FAM13A: variants seen among roughly 807,000 people sequenced by gnomAD.
FAM13A encodes the protein family with sequence similarity 13 member A, also known as protein FAM13A.
In FAM13A, 76 loss-of-function variants were observed where a neutral mutation model predicts 129.6. The observed-to-expected ratio is 0.59, with a 90% CI of 0.49 to 0.71. FAM13A has a LOEUF of 0.71. FAM13A is among the 30% of genes least tolerant of loss of function. The pLI is 0.00. For missense variants in FAM13A, 1,108 were observed against 1,249.3 expected, an observed-to-expected ratio of 0.89 and a Z score of 1.70; for synonymous variants, 443 against 449.9, an observed-to-expected ratio of 0.98 and a Z score of 0.20.
At chr4:88,997,513 A>G (rs1560720683) in intron 3 of FAM13A, among the ~76,000 whole-genome samples, 1 of 152,078 alleles carries the variant, frequency 6.6e-6, no homozygotes, top group Non-Finnish European at 1.5e-5. Flanking sequence ...GTTCCAGGTT[A>G]AGCAGCAAGC....
intron 3 of FAM13A, among the ~76,000 whole-genome samples, chr4:88,998,280 T>C (rs963454769): frequency 6.6e-6 from 1 of 152,210 alleles, no homozygotes; most frequent in East Asian, 1.9e-4. Context: ...AGGAATCTAG[T>C]AGTTCCCCAT....
intron 7 of FAM13A, among the ~76,000 whole-genome samples, chr4:88,840,772 A>G (rs1178677870): frequency 6.6e-6 from 1 of 152,142 alleles, no homozygotes; most frequent in Non-Finnish European, 1.5e-5. Flanking sequence ...ATTGAAAGTT[A>G]ATGTTCTCAG....
chr4:88,999,570 G>A (rs922825278), intron 3 of FAM13A, among the ~76,000 whole-genome samples: 1 of 152,198 alleles, frequency 6.6e-6, no homozygotes, highest in Non-Finnish European at 1.5e-5. Flanking sequence ...AGTTTCAGAT[G>A]AAATCATACT....
At chr4:88,736,870 GAGC>G (rs1293740984) in intron 21 of FAM13A, among the ~76,000 whole-genome samples, 1 of 152,176 alleles carries the variant, frequency 6.6e-6, no homozygotes, top group Non-Finnish European at 1.5e-5. Flanking sequence ...CGTAGATTAA[GAGC>G]AGATTTTAAA....
At chr4:88,750,710 T>C in intron 14 of FAM13A, 73 bp from the exon 15 acceptor site, 2 of 1,064,652 alleles carry the variant, frequency 1.9e-6, no homozygotes, top group Non-Finnish European at 2.8e-6. Flanking sequence ...ACACAAGTGT[T>C]TCCCAGGCTT....
chr4:88,817,805 A>G (rs1731070496), intron 7 of FAM13A, among the ~76,000 whole-genome samples: 1 of 152,194 alleles, frequency 6.6e-6, no homozygotes, highest in Non-Finnish European at 1.5e-5. Context: ...GATGCGATGA[A>G]ATGCACTGCA....
intron 1 of FAM13A, among the ~76,000 whole-genome samples, chr4:89,030,681 G>C (rs938626402): frequency 6.6e-6 from 1 of 152,082 alleles, no homozygotes; most frequent in African/African-American, 2.4e-5. Context: ...TAAGTTATTG[G>C]TAAAAGTCAG....
intron 4 of FAM13A, among the ~76,000 whole-genome samples, chr4:88,974,625 C>T (rs780050450): frequency 1.8e-4 from 27 of 152,022 alleles, no homozygotes; most frequent in South Asian, 4.1e-4. Flanking sequence ...TACAGGCACC[C>T]GCCACCATGA....
chr4:88,935,668 G>C (rs1182863091), intron 5 of FAM13A, among the ~76,000 whole-genome samples: 1 of 151,852 alleles, frequency 6.6e-6, no homozygotes, highest in Non-Finnish European at 1.5e-5. Context: ...CTACCTTTTA[G>C]TTTCTATCTA....
intron 1 of FAM13A, among the ~76,000 whole-genome samples, chr4:89,048,208 T>C (rs1337168138): frequency 1.3e-5 from 2 of 152,212 alleles, no homozygotes; most frequent in Non-Finnish European, 2.9e-5. Context: ...AGCAGCATTA[T>C]TGATAATAAT....
At chr4:88,874,635 A>C (rs1420967079) in intron 6 of FAM13A, among the ~76,000 whole-genome samples, 1 of 152,234 alleles carries the variant, frequency 6.6e-6, no homozygotes, top group Non-Finnish European at 1.5e-5. Flanking sequence ...TGAATGAAAT[A>C]AAAGAAGACA....
chr4:88,895,153 C>T (rs1746067940), intron 6 of FAM13A, among the ~76,000 whole-genome samples: 1 of 152,040 alleles, frequency 6.6e-6, no homozygotes, highest in Admixed American at 6.6e-5. Context: ...TAGTTATCAT[C>T]ATCACCACTA....
In FAM13A at chr4:89,029,466, G is replaced by T; in HGVS notation, c.211C>A (p.Gln71Lys). 6.3e-7 allele frequency: 1 copy of T among 1,596,802 alleles called. No homozygotes were observed. The change falls in exon 2 of 24, where the codon CAG becomes AAG. Residue 71 changes from glutamine to lysine, a missense_variant. Coordinates refer to ENST00000264344, the MANE Select transcript of FAM13A (RefSeq NM_014883.4). ...AAAGCATGACTTAACTCACCATGCT[G>T]CGTCAAATATTCCACTATATTCCAC... ...VVWNIVEYLT[Q>K]HGLTQEGLFR...
At position 89,020,489 on chromosome 4, in the gene FAM13A, A is replaced by G. The variant is rs1041313164; in HGVS notation, c.398T>C (p.Leu133Ser). Residue 133 changes from leucine to serine, a missense_variant, in exon 3 of 24, where the codon TTG becomes TCG. By Grantham distance (145) the Leu-to-Ser change is moderately radical. Coordinates refer to ENST00000264344, the MANE Select transcript of FAM13A (RefSeq NM_014883.4). ...AAAGAGTTGAATGAATCGAGGCTGC[A>G]ACGCTGAGGTGATCAGACTGTCAGG... is the stretch of plus-strand genomic sequence containing the variant. ...ELPDSLITSA[L>S]QPRFIQLFQD... is the part of the protein sequence containing the mutation. The G allele has an allele frequency of 1.2e-6, 2 of 1,614,052 alleles. No individual in the cohort carries two copies. Among genetic ancestry groups the G allele is most frequent in the Non-Finnish European group, 1.7e-6 (2 of 1,179,930 alleles).
At chr4:88,971,769 T>C (rs1327729653) in intron 4 of FAM13A, among the ~76,000 whole-genome samples, 1 of 152,156 alleles carries the variant, frequency 6.6e-6, no homozygotes, top group Admixed American at 6.5e-5. Flanking sequence ...ACCAGCCTTC[T>C]GAGTTGCTGA....
intron 4 of FAM13A, among the ~76,000 whole-genome samples, chr4:88,945,585 A>C (rs773136374): frequency 6.6e-5 from 10 of 151,782 alleles, no homozygotes; most frequent in African/African-American, 9.7e-5. Flanking sequence ...ATCAAACCCA[A>C]ATATTTATAC....
chr4:88,804,184 C>A (rs1042435666), intron 8 of FAM13A, among the ~76,000 whole-genome samples: 1 of 152,066 alleles, frequency 6.6e-6, no homozygotes, highest in African/African-American at 2.4e-5. Context: ...ACCCGGGAGG[C>A]GGAGGTTGCA....
At chr4:88,761,399 C>T (rs1372886991) in intron 13 of FAM13A, among the ~76,000 whole-genome samples, 2 of 152,178 alleles carry the variant, frequency 1.3e-5, no homozygotes, top group South Asian at 2.1e-4. Flanking sequence ...GGGAAGTATA[C>T]TACAACAAAG....
intron 6 of FAM13A, among the ~76,000 whole-genome samples, chr4:88,897,205 TA>T (rs1306142401): frequency 6.6e-5 from 10 of 152,188 alleles, no homozygotes; most frequent in Admixed American, 5.9e-4. Flanking sequence ...CCTCTTTATC[TA>T]AAAATCTGTT....
Sources: gnomAD v4.1 joint callset for allele counts (sites outside exome capture counted in the v4.1 genomes callset) on GRCh38, gnomAD v4.1.1 for gene constraint, MANE v1.5 for transcripts, NCBI Gene and HGNC (gene_info 2026-07-23, HGNC 2026-07-21) for gene names.